The following AUTS2 variants were observed in gnomAD, a reference collection of about 807,000 sequenced individuals.
AUTS2 encodes the protein activator of transcription and developmental regulator AUTS2, also known as autism susceptibility gene 2 protein.
Under a neutral mutation model 112.4 loss-of-function variants are expected in AUTS2, and 17 were observed. That is an observed-to-expected ratio of 0.15 (90% confidence interval 0.10 to 0.23). AUTS2 has a LOEUF of 0.23. Among genes scored for constraint, AUTS2 ranks in the 10% least tolerant of loss-of-function variants. AUTS2 has a pLI of 1.00. For missense variants in AUTS2, 1,510 were observed against 1,701.6 expected (o/e 0.89, Z 1.98); for synonymous variants, 751 against 702.7 (o/e 1.07, Z -1.09).
chr7:70,502,223 G>A (rs1012313661), intron 5 of AUTS2, among the ~76,000 whole-genome samples: 2 of 152,184 alleles, frequency 1.3e-5, no homozygotes, highest in South Asian at 2.1e-4. Flanking sequence ...ATGTGCTTAC[G>A]AATTGCTTCA....
intron 1 of AUTS2, among the ~76,000 whole-genome samples, chr7:69,788,880 C>T (rs372939227): frequency 1.3e-5 from 2 of 151,936 alleles, no homozygotes; most frequent in African/African-American, 2.4e-5. Flanking sequence ...ATTAGCTGTC[C>T]GGTTCAGCTC....
At chr7:70,163,569 G>A (rs1467961114) in intron 4 of AUTS2, among the ~76,000 whole-genome samples, 1 of 152,108 alleles carries the variant, frequency 6.6e-6, no homozygotes, top group African/African-American at 2.4e-5. Flanking sequence ...GTGGGGGAAG[G>A]ACTATGAATC....
chr7:69,746,354 A>C (rs777322201), intron 1 of AUTS2, among the ~76,000 whole-genome samples: 10 of 152,126 alleles, frequency 6.6e-5, no homozygotes, highest in Non-Finnish European at 1.0e-4. Flanking sequence ...CTTACCTTCT[A>C]CTTGGGAGAA....
At chr7:70,602,758 T>C (rs1803541532) in intron 5 of AUTS2, among the ~76,000 whole-genome samples, 1 of 152,206 alleles carries the variant, frequency 6.6e-6, no homozygotes, top group African/African-American at 2.4e-5. Context: ...CAATGCAGAA[T>C]TCAAAGAGTG....
chr7:69,899,365 C>T lies in AUTS2; in HGVS notation c.389C>T (p.Thr130Ile), dbSNP rs1794876944. 6.2e-7 allele frequency: 1 copy of T among 1,613,944 alleles called. No individual in the cohort carries two copies. The highest frequency in any genetic ancestry group is 1.1e-5 in the South Asian group (1 of 91,078). ...PLTKKKREAL[T>I]NGLSFHSKKS... ...ACCAAGAAGAAACGAGAAGCACTTA[C>T]CAATGGCTTGTCCTTTCATTCAAAG... The change falls in exon 2 of 19, where the codon ACC becomes ATC. Residue 130 changes from threonine (T) to isoleucine (I), a missense_variant. Thr to Ile is a moderately conservative substitution (Grantham distance 89, BLOSUM62 -1). Transcript: ENST00000342771.
Position 70,703,875 on chromosome 7 carries a change from G to T in AUTS2, c.742+5255G>T, listed in dbSNP as rs117580322. Among the ~76,000 whole-genome samples, 174 of 152,286 alleles carry T rather than the reference G, an allele frequency of 1.1e-3. 2 individuals carry two copies. The highest frequency in any genetic ancestry group is 3.4e-3 in the Middle Eastern group (1 of 294). ...AGTTTTTAGGAGATAGAGATGTCTGGAGAGTTAAGTAGTATTTAAGGGTAA... is the reference window on the plus strand; with the variant it reads ...AGTTTTTAGGAGATAGAGATGTCTGTAGAGTTAAGTAGTATTTAAGGGTAA... On this transcript the variant is annotated intron_variant, in intron 6 of 18. Transcript: ENST00000342771.
At chr7:70,771,872 T>G (rs1415231924) in intron 11 of AUTS2, among the ~76,000 whole-genome samples, 1 of 152,254 alleles carries the variant, frequency 6.6e-6, no homozygotes, top group Non-Finnish European at 1.5e-5. Context: ...TAATCTCAGT[T>G]AAGCTAAGAT....
chr7:69,985,064 AG>A, intron 2 of AUTS2, among the ~76,000 whole-genome samples: 1 of 152,050 alleles, frequency 6.6e-6, no homozygotes, highest in Non-Finnish European at 1.5e-5. Context: ...GAAGGTTTCC[AG>A]GTACATTTTG....
intron 5 of AUTS2, among the ~76,000 whole-genome samples, chr7:70,618,237 G>A (rs1217450165): frequency 6.6e-6 from 1 of 152,220 alleles, no homozygotes; most frequent in Admixed American, 6.5e-5. Context: ...GAGGCCAAGT[G>A]GTTGCCGTGG....
At chr7:70,349,702 A>G (rs1198505104) in intron 4 of AUTS2, among the ~76,000 whole-genome samples, 1 of 151,936 alleles carries the variant, frequency 6.6e-6, no homozygotes, top group East Asian at 1.9e-4. Context: ...TCTCTTGAAC[A>G]TAATAGATAC....
chr7:70,431,488 C>T (rs144787850), intron 4 of AUTS2, among the ~76,000 whole-genome samples: 4,012 of 152,172 alleles, frequency 0.026, 81 homozygotes, highest in Middle Eastern at 0.092. Flanking sequence ...CTGGCTCAAG[C>T]GATTCTCCTG....
chr7:69,660,064 C>T (rs557602307), intron 1 of AUTS2, among the ~76,000 whole-genome samples: 2 of 152,322 alleles, frequency 1.3e-5, no homozygotes, highest in East Asian at 1.9e-4. Flanking sequence ...GTAGTATGTG[C>T]CCCATCCTTC....
At chr7:70,164,735 A>C (rs1410757656) in intron 4 of AUTS2, among the ~76,000 whole-genome samples, 1 of 152,144 alleles carries the variant, frequency 6.6e-6, no homozygotes, top group Non-Finnish European at 1.5e-5. Context: ...CCCCATGCTA[A>C]CAGCTTGAAA....
intron 1 of AUTS2, among the ~76,000 whole-genome samples, chr7:69,677,628 C>T (rs1383119890): frequency 2.0e-5 from 3 of 152,144 alleles, no homozygotes; most frequent in South Asian, 2.1e-4. Flanking sequence ...GTTTGAGTTT[C>T]GTTTTTGAAG....
At chr7:70,781,526 C>T (rs902768877) in intron 14 of AUTS2, 89 bp from the exon 15 acceptor site, 6 of 1,484,858 alleles carry the variant, frequency 4.0e-6, no homozygotes, top group Middle Eastern at 1.8e-4. Context: ...CCAAGTGCAC[C>T]GTTCACAGTC....
intron 4 of AUTS2, among the ~76,000 whole-genome samples, chr7:70,213,532 C>T (rs762047680): frequency 1.4e-3 from 191 of 134,908 alleles, no homozygotes; most frequent in Non-Finnish European, 2.5e-3. Flanking sequence ...CAGCAAGACC[C>T]TGTCTCAAAA....
intron 4 of AUTS2, among the ~76,000 whole-genome samples, chr7:70,352,275 T>C (rs1285562051): frequency 6.6e-6 from 1 of 152,226 alleles, no homozygotes; most frequent in Admixed American, 6.5e-5. Flanking sequence ...TTGTCAGTTT[T>C]TGTTTGCTGT....
chr7:69,996,171 T>A (rs1284981512), intron 2 of AUTS2, among the ~76,000 whole-genome samples: 4 of 152,198 alleles, frequency 2.6e-5, no homozygotes, highest in Non-Finnish European at 4.4e-5. Flanking sequence ...TTAGAGGTAC[T>A]GTGTCATAAG....
At chr7:69,624,851 C>T (rs1793868902) in intron 1 of AUTS2, among the ~76,000 whole-genome samples, 2 of 152,218 alleles carry the variant, frequency 1.3e-5, no homozygotes, top group Admixed American at 1.3e-4. Flanking sequence ...CACAAAGGAA[C>T]TGAAATCTGT....
Sources: gnomAD v4.1 joint callset for allele counts (sites outside exome capture counted in the v4.1 genomes callset) on GRCh38, gnomAD v4.1.1 for gene constraint, MANE v1.5 for transcripts, NCBI Gene and HGNC (gene_info 2026-07-23, HGNC 2026-07-21) for gene names.